KLRG1: variants seen among roughly 807,000 people sequenced by gnomAD.
KLRG1 encodes killer cell lectin-like receptor subfamily G member 1.
KLRG1 carries 16 observed loss-of-function variants against 21.8 expected under a neutral mutation model. That is an observed-to-expected ratio of 0.73 (90% CI 0.50 to 1.11). The LOEUF (loss-of-function observed/expected upper bound fraction) is 1.11. KLRG1 is among the 50% of genes most tolerant of loss of function. KLRG1 has a pLI of 0.00. For synonymous variants in KLRG1, 69 were observed against 75.9 expected (o/e 0.91, Z 0.47); for missense variants, 173 against 218.3 (o/e 0.79, Z 1.31).
the KLRG1 span, among the ~76,000 whole-genome samples, chr12:9,124,236 C>T: frequency 6.6e-6 from 1 of 152,128 alleles, no homozygotes; most frequent in Non-Finnish European, 1.5e-5. Context: ...GATGGGATAC[C>T]ATTGATGGTA....
the KLRG1 span, among the ~76,000 whole-genome samples, chr12:9,024,014 A>G: frequency 1.5e-5 from 2 of 130,306 alleles, no homozygotes; most frequent in Non-Finnish European, 3.2e-5. Flanking sequence ...TCGTGAACAC[A>G]TGGATTTTTT....
chr12:9,172,881 G>T, the KLRG1 span, among the ~76,000 whole-genome samples: 2 of 152,166 alleles, frequency 1.3e-5, no homozygotes, highest in East Asian at 3.9e-4. Context: ...AATAGCGAGA[G>T]ACTTTAACAC....
chr12:9,163,086 G>T, the KLRG1 span, among the ~76,000 whole-genome samples: 1 of 151,918 alleles, frequency 6.6e-6, no homozygotes, highest in African/African-American at 2.4e-5. Flanking sequence ...CAGGGAGGGT[G>T]GTAGAGAGAA....
At chr12:9,193,994 A>C in the KLRG1 span, 1 of 1,277,812 alleles carries the variant, frequency 7.8e-7, no homozygotes, top group Non-Finnish European at 1.1e-6. Flanking sequence ...CTTACTCTTA[A>C]ATGCAATCTG....
chr12:9,187,808 A>G, the KLRG1 span, among the ~76,000 whole-genome samples: 5 of 152,204 alleles, frequency 3.3e-5, no homozygotes, highest in African/African-American at 1.2e-4. Context: ...TCCATGCTAC[A>G]CCCTAATCAC....
chr12:9,102,121 G>A, the KLRG1 span, among the ~76,000 whole-genome samples: 1 of 152,116 alleles, frequency 6.6e-6, no homozygotes, highest in East Asian at 1.9e-4. Flanking sequence ...TAACCTTAGG[G>A]GTCTGAGAAG....
At chr12:9,045,893 A>T in the KLRG1 span, among the ~76,000 whole-genome samples, 1 of 152,360 alleles carries the variant, frequency 6.6e-6, no homozygotes, top group Non-Finnish European at 1.5e-5. Flanking sequence ...AGGGACATGG[A>T]TGGAGCTGAA....
At chr12:9,094,355 A>G in the KLRG1 span, among the ~76,000 whole-genome samples, 2 of 143,506 alleles carry the variant, frequency 1.4e-5, no homozygotes, top group Non-Finnish European at 3.0e-5. Context: ...ATATATATAT[A>G]TATATATATA....
the KLRG1 span, among the ~76,000 whole-genome samples, chr12:9,032,502 T>C: frequency 2.0e-5 from 3 of 152,224 alleles, no homozygotes; most frequent in African/African-American, 7.2e-5. Context: ...ATTTATACTT[T>C]AACCTTAGAG....
the KLRG1 span, among the ~76,000 whole-genome samples, chr12:9,125,984 C>T: frequency 2.6e-4 from 40 of 152,322 alleles, no homozygotes; most frequent in South Asian, 8.1e-3. Context: ...CCACCCACCT[C>T]GGCCTCCCAA....
chr12:9,180,224 G>A, the KLRG1 span, among the ~76,000 whole-genome samples: 25,888 of 151,992 alleles, frequency 0.17, 2,922 homozygotes, highest in Admixed American at 0.3. Context: ...ATGCTGGTGC[G>A]CAAGGTAATT....
At chr12:8,954,384 T>C (rs749323748) in intron 1 of KLRG1, among the ~76,000 whole-genome samples, 31 of 151,546 alleles carry the variant, frequency 2.0e-4, no homozygotes, top group Admixed American at 7.3e-4. Flanking sequence ...TGTATACTGG[T>C]ACTTTGCCAG....
chr12:9,152,072 C>A, the KLRG1 span: 1 of 672,738 alleles, frequency 1.5e-6, no homozygotes, highest in African/African-American at 1.8e-5. Flanking sequence ...TTACGGCCAA[C>A]TAAATAGTTC....
At chr12:8,992,756 T>G (rs1230341466) in intron 2 of KLRG1, among the ~76,000 whole-genome samples, 1 of 152,024 alleles carries the variant, frequency 6.6e-6, no homozygotes, top group African/African-American at 2.4e-5. Context: ...CAGGCTGATC[T>G]CAAACTCCTG....
At chr12:8,991,449 G>A (rs909106686) in intron 1 of KLRG1, among the ~76,000 whole-genome samples, 1 of 152,070 alleles carries the variant, frequency 6.6e-6, no homozygotes, top group African/African-American at 2.4e-5. Flanking sequence ...TAGATAATAT[G>A]TTTACATGGT....
downstream of KLRG1, among the ~76,000 whole-genome samples, chr12:9,015,412 G>A (rs1280109653): frequency 6.6e-6 from 1 of 151,996 alleles, no homozygotes; most frequent in African/African-American, 2.4e-5. Context: ...AAGAGACAAG[G>A]TCTCTTTGAC....
In KLRG1 at chr12:8,997,820, C is replaced by T. The variant is rs190436354; in HGVS notation, c.357+2532C>T. On this transcript the variant is annotated intron_variant, in intron 3 of 4. Transcript: ENST00000356986. ...TTTCTTTTTGAGATGGAGTTTTGCT[C>T]TTGTTGCCCAGGCTGAAGTGCAGTG... 3.7e-3 allele frequency among the ~76,000 whole-genome samples: 562 copies of T among 151,218 alleles called. 2 individuals carry two copies. Among genetic ancestry groups the T allele is most frequent in the Non-Finnish European group, 4.9e-3 (334 of 67,844 alleles).
chr12:9,111,440 T>G, the KLRG1 span: 1 of 446,842 alleles, frequency 2.2e-6, no homozygotes, highest in Non-Finnish European at 4.5e-6. Flanking sequence ...CTTTGAAGGT[T>G]ATTGTAATGA....
chr12:8,965,743 G>A (rs780473169), intron 1 of KLRG1, among the ~76,000 whole-genome samples: 6,635 of 136,654 alleles, frequency 0.049, 158 homozygotes, highest in South Asian at 0.073. Flanking sequence ...AATCAATATC[G>A]TGAAAATGGC....
Sources: allele counts gnomAD v4.1 joint callset (sites outside exome capture counted in the v4.1 genomes callset), GRCh38; gene constraint gnomAD v4.1.1; transcripts MANE v1.5; gene names NCBI Gene and HGNC (gene_info 2026-07-23, HGNC 2026-07-21).